PTPRE: variants seen among roughly 807,000 people sequenced by gnomAD.
The protein encoded by PTPRE is protein tyrosine phosphatase receptor type E.
Under a neutral mutation model 102.0 loss-of-function variants are expected in PTPRE, and 51 were observed. That is an observed-to-expected ratio of 0.50 (90% CI 0.40 to 0.63). PTPRE has a LOEUF of 0.63. Ranked by LOEUF, PTPRE falls within the 30% of genes least tolerant of loss-of-function variation. The probability of loss-of-function intolerance (pLI) is 0.00; values close to 1 mark genes in which losing one functional copy is unlikely to be tolerated. For missense variants in PTPRE, 752 were observed against 915.1 expected, an observed-to-expected ratio of 0.82 and a Z score of 2.30; for synonymous variants, 345 against 348.2, an observed-to-expected ratio of 0.99 and a Z score of 0.10.
In PTPRE at chr10:127,982,410, G is replaced by A. The variant is rs1851707046; in HGVS notation, c.-8+114G>A. On this transcript the variant is annotated intron_variant, in intron 2 of 20. Transcript: ENST00000254667. ...GTTTTCTTGAGAAAGAAAGCCATAT[G>A]GTCAGTGTGTTATATTTGAATTTTA... is the stretch of plus-strand genomic sequence containing the variant. The A allele has an allele frequency of 2.8e-6, 2 of 724,860 alleles. 1 individual carries two copies. Among genetic ancestry groups the A allele is most frequent in the South Asian group, 3.5e-5 (2 of 56,980 alleles). 44.9% of individuals were successfully genotyped at this position (724,860 alleles called of 1,614,324 possible).
At chr10:127,964,998 G>A in intron 1 of PTPRE, 1 of 456,524 alleles carries the variant, frequency 2.2e-6, no homozygotes, top group Non-Finnish European at 4.4e-6. Context: ...CCACTGACAT[G>A]GTATGAAGGC....
chr10:127,960,752 G>A (rs1040038973), intron 1 of PTPRE, among the ~76,000 whole-genome samples: 3 of 152,282 alleles, frequency 2.0e-5, no homozygotes, highest in South Asian at 2.1e-4. Context: ...AGCCGGGCGC[G>A]GTGGCTCACG....
chr10:127,968,842 G>C (rs1363382413), intron 1 of PTPRE, among the ~76,000 whole-genome samples: 1 of 152,220 alleles, frequency 6.6e-6, no homozygotes, highest in Non-Finnish European at 1.5e-5. Context: ...CTGGAGATAA[G>C]AAGTGATTGT....
chr10:127,940,573 C>A (rs1848175452), intron 1 of PTPRE, among the ~76,000 whole-genome samples: 1 of 152,184 alleles, frequency 6.6e-6, no homozygotes, highest in Admixed American at 6.5e-5. Flanking sequence ...TCAGGTGTTG[C>A]TGCACCTCTG....
At chr10:127,982,489 CGTGTGTGTGTGTGT>C (rs59170572) in intron 2 of PTPRE, among the ~76,000 whole-genome samples, 193 bp downstream of exon 2, 83 of 142,678 alleles carry the variant, frequency 5.8e-4, no homozygotes, top group South Asian at 1.4e-3. Flanking sequence ...ACATCATTTG[CGTGTGTGTGTGTGT>C]GTGTGTGTGT....
At chr10:127,985,699 G>A (rs1852027014) in intron 2 of PTPRE, among the ~76,000 whole-genome samples, 1 of 152,248 alleles carries the variant, frequency 6.6e-6, no homozygotes, top group South Asian at 2.1e-4. Context: ...AGGCATTTAA[G>A]TGGATTGTAA....
At chr10:128,066,971 T>C (rs1244639724) in intron 11 of PTPRE, among the ~76,000 whole-genome samples, 1 of 115,734 alleles carries the variant, frequency 8.6e-6, no homozygotes, top group South Asian at 2.6e-4. Context: ...GGCATACACA[T>C]GCACACACAC....
rs934611073 is a variant in PTPRE, at chr10:128,070,218, G to A, written c.1144-83G>A. 21 of 1,463,678 alleles carry A rather than the reference G, an allele frequency of 1.4e-5. No individual in the cohort carries two copies. Among genetic ancestry groups the A allele is most frequent in the Admixed American group, 9.1e-5 (4 of 43,834 alleles). 90.7% of individuals were successfully genotyped at this position (1,463,678 alleles called of 1,614,324 possible). A position where few individuals can be genotyped will look rare whatever the true frequency, so the allele number is the denominator to read the frequency against. ...GCAAAAAGAGAAAAAGAAGAAAGCC[G>A]CCCTCTTTGGTCTGCCAAGCTCCAC... On this transcript the variant is annotated intron_variant, in intron 13 of 20. Transcript: ENST00000254667. The surrounding 1 kb of genome is among the most constrained non-coding windows in gnomAD (Gnocchi z 4.8).
intron 1 of PTPRE, chr10:127,965,071 C>T (rs1258789395): frequency 5.1e-5 from 23 of 454,714 alleles, no homozygotes; most frequent in Non-Finnish European, 5.7e-5. Context: ...TTGCACTTGA[C>T]TTCTAAAATT....
intron 17 of PTPRE, among the ~76,000 whole-genome samples, chr10:128,075,562 A>G (rs1397264605): frequency 6.6e-6 from 1 of 152,068 alleles, no homozygotes; most frequent in Non-Finnish European, 1.5e-5. Context: ...TGTATCAAAG[A>G]GCCAAAATGC....
At chr10:128,060,081 TAC>T (rs59000055) in intron 7 of PTPRE, among the ~76,000 whole-genome samples, 5,211 of 145,990 alleles carry the variant, frequency 0.036, 191 homozygotes, top group African/African-American at 0.08. Context: ...TACCACACAC[TAC>T]ACACACACAC....
At chr10:128,035,525 G>A (rs984533729) in intron 2 of PTPRE, among the ~76,000 whole-genome samples, 4 of 152,158 alleles carry the variant, frequency 2.6e-5, no homozygotes, top group East Asian at 1.9e-4. Flanking sequence ...CTTTAAGTGC[G>A]GTGGCTTTGA....
chr10:128,063,093 G>A lies in PTPRE; in HGVS notation c.636G>A (p.Gln212=). The change falls in exon 10 of 21, where the codon CAG becomes CAA. Residue 212 remains glutamine (Q), a synonymous_variant. Coordinates refer to ENST00000254667, the MANE Select transcript of PTPRE (RefSeq NM_006504.6). ...NKFIAAQGPK[Q]ETVNDFWRMV... is the part of the protein sequence containing the mutation. Reference sequence around the variant, plus strand: ...GTCCTCTACACACAGGTCCCAAACAGGAAACGGTTAACGACTTCTGGAGAA... The same window carrying A: ...GTCCTCTACACACAGGTCCCAAACAAGAAACGGTTAACGACTTCTGGAGAA... The A allele has an allele frequency of 6.2e-7, 1 of 1,614,218 alleles. No homozygotes were observed. The highest frequency in any genetic ancestry group is 1.3e-5 in the African/African-American group (1 of 75,054).
intron 1 of PTPRE, among the ~76,000 whole-genome samples, chr10:127,910,577 A>G (rs76278471): frequency 0.035 from 5,385 of 152,298 alleles, 136 homozygotes; most frequent in Middle Eastern, 0.085. Flanking sequence ...CAGTCAGTCA[A>G]GTTCTGACTC....
intron 2 of PTPRE, 94 bp from the exon 3 acceptor site, chr10:128,040,781 A>C (rs914198287): frequency 2.3e-6 from 2 of 883,542 alleles, no homozygotes; most frequent in Non-Finnish European, 3.7e-6. Context: ...CCCTGAAATG[A>C]AGTTGGCTCT....
chr10:127,943,377 C>T (rs766296373), intron 1 of PTPRE, among the ~76,000 whole-genome samples: 3 of 152,186 alleles, frequency 2.0e-5, no homozygotes, highest in Non-Finnish European at 4.4e-5. Flanking sequence ...TGCTAATCCT[C>T]TCCTAGAGTG....
intron 15 of PTPRE, chr10:128,071,104 A>T: frequency 1.7e-6 from 1 of 585,434 alleles, no homozygotes; most frequent in Non-Finnish European, 3.0e-6. Flanking sequence ...TGACCCAGAC[A>T]GTCCTGCATG....
At chr10:128,044,720 G>T (rs1363291890) in intron 3 of PTPRE, among the ~76,000 whole-genome samples, 1 of 152,168 alleles carries the variant, frequency 6.6e-6, no homozygotes, top group Non-Finnish European at 1.5e-5. Flanking sequence ...CACCCCGTCA[G>T]AGCCACAATA....
intron 2 of PTPRE, among the ~76,000 whole-genome samples, chr10:128,032,557 A>T (rs1846857303): frequency 6.6e-6 from 1 of 152,198 alleles, no homozygotes. Context: ...CAAGGACAAC[A>T]GGCAGGTTAG....
Sources: gnomAD v4.1 joint callset for allele counts (sites outside exome capture counted in the v4.1 genomes callset) on GRCh38, gnomAD v4.1.1 for gene constraint, Gnocchi (gnomAD v3.1) non-coding constraint, MANE v1.5 for transcripts, NCBI Gene and HGNC (gene_info 2026-07-23, HGNC 2026-07-21) for gene names.